Variants in DNAAF5 observed in about 807,000 individuals in gnomAD.
DNAAF5 encodes the protein dynein axonemal assembly factor 5, also known as HEAT repeat containing 2.
DNAAF5 carries 64 observed loss-of-function variants against 75.8 expected under a neutral mutation model. The observed-to-expected ratio is 0.84, with a 90% CI of 0.69 to 1.04. DNAAF5 has a LOEUF of 1.04. Ranked by LOEUF, DNAAF5 falls within the 50% of genes least tolerant of loss-of-function variation. The pLI is 0.00. For synonymous variants in DNAAF5, 657 were observed against 557.2 expected (o/e 1.18, Z -2.52); for missense variants, 1,269 against 1,178.5 (o/e 1.08, Z -1.12).
chr7:783,199 C>T (rs1051158323), intron 12 of DNAAF5, among the ~76,000 whole-genome samples: 1 of 152,224 alleles, frequency 6.6e-6, no homozygotes, highest in Non-Finnish European at 1.5e-5. Context: ...GTGCACTGCT[C>T]GTCCGTCCGC....
At chr7:758,826 G>A (rs1782562214) in intron 6 of DNAAF5, among the ~76,000 whole-genome samples, 1 of 152,142 alleles carries the variant, frequency 6.6e-6, no homozygotes, top group African/African-American at 2.4e-5. Context: ...GGGATTACAG[G>A]CATGCACCAC....
intron 12 of DNAAF5, among the ~76,000 whole-genome samples, chr7:780,849 T>A (rs1352264577): frequency 3.9e-5 from 6 of 151,990 alleles, no homozygotes. Flanking sequence ...TTGTTTTGTT[T>A]TGTTGTTGGT....
intron 7 of DNAAF5, 45 bp downstream of exon 7, chr7:761,941 C>A: frequency 6.5e-7 from 1 of 1,539,278 alleles, no homozygotes; most frequent in Non-Finnish European, 8.8e-7. Context: ...GCGGAGCTCA[C>A]AGCTGGAAGG....
intron 2 of DNAAF5, among the ~76,000 whole-genome samples, chr7:738,507 G>A (rs920703369): frequency 3.3e-5 from 5 of 151,920 alleles, no homozygotes; most frequent in African/African-American, 1.2e-4. Context: ...GGTATTTACT[G>A]TCATCTTTGC....
chr7:732,136 C>T (rs1781604971), intron 2 of DNAAF5, among the ~76,000 whole-genome samples: 1 of 152,368 alleles, frequency 6.6e-6, no homozygotes, highest in East Asian at 1.9e-4. Context: ...AGGTGAGCCT[C>T]AGAGCAAGGT....
intron 12 of DNAAF5, among the ~76,000 whole-genome samples, chr7:783,834 T>C (rs1472338925): frequency 1.3e-5 from 2 of 152,056 alleles, no homozygotes; most frequent in Non-Finnish European, 2.9e-5. Flanking sequence ...AGCCTCAGCC[T>C]CACTCGTCCT....
At chr7:751,733 C>A (rs936884742) in intron 4 of DNAAF5, among the ~76,000 whole-genome samples, 1 of 151,910 alleles carries the variant, frequency 6.6e-6, no homozygotes, top group African/African-American at 2.4e-5. Flanking sequence ...CCAGCACGAC[C>A]GGCTTATTTT....
chr7:780,243 G>C (rs1409775986), intron 12 of DNAAF5, 99 bp downstream of exon 12: 1 of 1,103,062 alleles, frequency 9.1e-7, no homozygotes, highest in Non-Finnish European at 1.3e-6. Flanking sequence ...AGGGCCCTGG[G>C]GCACAGGAGG....
chr7:766,267 G>T (rs936354504), intron 8 of DNAAF5, among the ~76,000 whole-genome samples: 1 of 152,154 alleles, frequency 6.6e-6, no homozygotes, highest in African/African-American at 2.4e-5. Flanking sequence ...GAATACAGAT[G>T]ATTTTTATTT....
intron 2 of DNAAF5, among the ~76,000 whole-genome samples, chr7:738,984 T>C (rs1160408709): frequency 6.6e-6 from 1 of 152,142 alleles, no homozygotes; most frequent in East Asian, 1.9e-4. Context: ...TGGGGCAGAG[T>C]GTGCTCAGGC....
intron 1 of DNAAF5, among the ~76,000 whole-genome samples, chr7:728,890 C>T (rs1045052879): frequency 1.3e-5 from 2 of 152,090 alleles, no homozygotes; most frequent in Admixed American, 6.5e-5. Flanking sequence ...GAGGTTGAGG[C>T]GCTCACCCAA....
At chr7:737,999 C>G (rs1352102008) in intron 2 of DNAAF5, among the ~76,000 whole-genome samples, 1 of 152,172 alleles carries the variant, frequency 6.6e-6, no homozygotes, top group African/African-American at 2.4e-5. Context: ...TTTGAGTAAA[C>G]TTTCTACCCC....
chr7:738,739 T>C (rs180959596), intron 2 of DNAAF5, among the ~76,000 whole-genome samples: 1 of 152,216 alleles, frequency 6.6e-6, no homozygotes, highest in Non-Finnish European at 1.5e-5. Context: ...ATAGAAAAGG[T>C]GGCAGTCCGT....
chr7:784,697 C>G (rs1779094203), intron 12 of DNAAF5, among the ~76,000 whole-genome samples: 1 of 152,212 alleles, frequency 6.6e-6, no homozygotes, highest in African/African-American at 2.4e-5. Flanking sequence ...TCGGTGATGC[C>G]TGGCCCGTGG....
At chr7:747,740 C>T (rs1230846790) in intron 4 of DNAAF5, among the ~76,000 whole-genome samples, 8 of 41,710 alleles carry the variant, frequency 1.9e-4, no homozygotes, top group Non-Finnish European at 2.2e-4. Context: ...GCATGTCCGG[C>T]TGGTGTGCAG....
intron 11 of DNAAF5, among the ~76,000 whole-genome samples, chr7:779,704 G>A (rs1365593019): frequency 1.3e-5 from 2 of 152,292 alleles, no homozygotes; most frequent in South Asian, 2.1e-4. Context: ...GCGCCTGCAG[G>A]ACAGGTTATT....
At chr7:752,936 G>A (rs534967593) in intron 4 of DNAAF5, among the ~76,000 whole-genome samples, 74 of 152,344 alleles carry the variant, frequency 4.9e-4, no homozygotes, top group South Asian at 1.7e-3. Context: ...GAAGATAGGC[G>A]GCAAACAAGC....
Position 770,569 on chromosome 7 carries a change from A to C in DNAAF5, c.1882A>C (p.Ile628Leu). ...GCAGATGCGCCTGAAGCTGTTCTCC[A>C]TCCTGTCCACCGTGCTGCTCAGAGC... ...DPQMRLKLFSILSTVLLRATD... is the reference protein window; with the variant it reads ...DPQMRLKLFSLLSTVLLRATD... The change falls in exon 9 of 13, where the codon ATC becomes CTC. Residue 628 changes from isoleucine to leucine, a missense_variant. Physicochemically the swap from Ile to Leu is conservative, Grantham distance 5. Transcript: ENST00000297440. 1 of 1,613,886 alleles carries C rather than the reference A, an allele frequency of 6.2e-7. No homozygotes were observed. The highest frequency in any genetic ancestry group is 8.5e-7 in the Non-Finnish European group (1 of 1,179,974).
intron 2 of DNAAF5, among the ~76,000 whole-genome samples, chr7:736,000 A>G (rs1781730839): frequency 2.0e-5 from 3 of 152,106 alleles, no homozygotes; most frequent in Admixed American, 2.0e-4. Context: ...TTTCCTTCTT[A>G]ATTTCTTCAT....
Sources: allele counts gnomAD v4.1 joint callset (sites outside exome capture counted in the v4.1 genomes callset), GRCh38; gene constraint gnomAD v4.1.1; transcripts MANE v1.5; gene names NCBI Gene and HGNC (gene_info 2026-07-23, HGNC 2026-07-21).